Variants in KCNH8 observed in about 807,000 individuals in gnomAD.
KCNH8 encodes voltage-gated delayed rectifier potassium channel KCNH8.
In KCNH8, 70 loss-of-function variants were observed where a neutral mutation model predicts 103.6. The ratio of observed to expected loss-of-function variants is 0.68; its 90% CI spans 0.56 to 0.82. The LOEUF is 0.82. KCNH8 is among the 40% of genes least tolerant of loss of function. The pLI is 0.00. For synonymous variants in KCNH8, 498 were observed against 489.4 expected, an observed-to-expected ratio of 1.02 and a Z score of -0.23; for missense variants, 1,217 against 1,329.9, an observed-to-expected ratio of 0.92 and a Z score of 1.32.
intron 1 of KCNH8, among the ~76,000 whole-genome samples, chr3:19,150,504 C>T (rs946869690): frequency 6.6e-6 from 1 of 152,132 alleles, no homozygotes; most frequent in African/African-American, 2.4e-5. Context: ...ATCATCCCAG[C>T]ACAGCCTTGG....
intron 7 of KCNH8, among the ~76,000 whole-genome samples, chr3:19,431,829 G>A (rs749450139): frequency 1.3e-4 from 19 of 151,896 alleles, no homozygotes; most frequent in African/African-American, 4.1e-4. Flanking sequence ...TTGTTTTTTC[G>A]TGGGGTCAGT....
intron 11 of KCNH8, among the ~76,000 whole-genome samples, chr3:19,467,590 T>TGTTTGTGGG (rs2067768510): frequency 1.3e-5 from 2 of 152,126 alleles, no homozygotes; most frequent in African/African-American, 2.4e-5. Flanking sequence ...GGGAAGAATG[T>TGTTTGTGGG]GTTTGTGGGA....
intron 1 of KCNH8, among the ~76,000 whole-genome samples, chr3:19,174,741 AG>A (rs1315317461): frequency 1.3e-5 from 2 of 152,216 alleles, no homozygotes; most frequent in African/African-American, 4.8e-5. Flanking sequence ...TGTCTAGCAT[AG>A]GAGATGGATA....
chr3:19,457,778 AC>A (rs2067557092), intron 11 of KCNH8, among the ~76,000 whole-genome samples: 1 of 152,038 alleles, frequency 6.6e-6, no homozygotes, highest in South Asian at 2.1e-4. Flanking sequence ...GTTTGGACCA[AC>A]CCATATTGTG....
chr3:19,424,635 G>A (rs949701969), intron 7 of KCNH8, among the ~76,000 whole-genome samples: 3 of 151,884 alleles, frequency 2.0e-5, no homozygotes, highest in Admixed American at 2.0e-4. Flanking sequence ...CTAAAAAGGA[G>A]GAAATGATCA....
In KCNH8 at chr3:19,456,993, T is replaced by C. The variant is rs2125188919; in HGVS notation, c.2040+11T>C. On this transcript the variant is annotated intron_variant, in intron 11 of 15. Coordinates refer to ENST00000328405, the MANE Select transcript of KCNH8 (RefSeq NM_144633.3). ...GGTCATGAGAGTGATGTAAGTCCCA[T>C]TTCTAATTAGTGCTAAGACCTAATA... is the stretch of plus-strand genomic sequence containing the variant. The C allele has an allele frequency of 1.3e-6, 2 of 1,585,294 alleles. No individual in the cohort carries two copies. The highest frequency in any genetic ancestry group is 4.5e-5 in the East Asian group (2 of 44,444).
At chr3:19,515,015 A>G (rs555903819) in intron 13 of KCNH8, among the ~76,000 whole-genome samples, 17 of 151,894 alleles carry the variant, frequency 1.1e-4, no homozygotes, top group African/African-American at 4.1e-4. Flanking sequence ...ATTTTATTTG[A>G]CTGAATATGT....
intron 1 of KCNH8, among the ~76,000 whole-genome samples, chr3:19,251,980 G>T (rs941269978): frequency 1.3e-5 from 2 of 152,066 alleles, no homozygotes; most frequent in African/African-American, 4.8e-5. Flanking sequence ...TTATCCTGTA[G>T]TTTTTTCATT....
At chr3:19,181,004 A>C (rs948839823) in intron 1 of KCNH8, among the ~76,000 whole-genome samples, 4 of 152,180 alleles carry the variant, frequency 2.6e-5, no homozygotes, top group Admixed American at 2.6e-4. Context: ...GCAATTTTCA[A>C]GATGGCCTGA....
chr3:19,519,443 C>T (rs1486574222), intron 15 of KCNH8, among the ~76,000 whole-genome samples: 1 of 151,450 alleles, frequency 6.6e-6, no homozygotes, highest in Non-Finnish European at 1.5e-5. Flanking sequence ...TGTGTTTCTT[C>T]AGCTTCGTGG....
Position 19,227,421 on chromosome 3 carries a change from G to A in KCNH8, c.77-26233G>A, listed in dbSNP as rs140345706. ...GAACTTTTATTCCTCGAGGTGACCC[G>A]TTGTCTAGATTGAAGATCAACATAT... On this transcript the variant is annotated intron_variant, in intron 1 of 15. Transcript: ENST00000328405. 4.3e-4 allele frequency among the ~76,000 whole-genome samples: 66 copies of A among 152,248 alleles called. No homozygotes were observed. The East Asian group carries it at 9.3e-3, about 21-fold the overall frequency.
chr3:19,519,190 C>T (rs1045958216), intron 15 of KCNH8, among the ~76,000 whole-genome samples: 4 of 151,912 alleles, frequency 2.6e-5, no homozygotes, highest in Non-Finnish European at 5.9e-5. Context: ...AAACCTGTGC[C>T]TATCTTTGGT....
In KCNH8 at chr3:19,438,227, G is replaced by A; in HGVS notation, c.1241G>A (p.Gly414Asp). 6.2e-7 allele frequency: 1 copy of A among 1,614,010 alleles called. No homozygotes were observed. The highest frequency in any genetic ancestry group is 8.5e-7 in the Non-Finnish European group (1 of 1,180,002). Residue 414 changes from glycine to aspartate, a missense_variant, in exon 8 of 16, where the codon GGC (glycine) becomes GAC (aspartate). Around this residue, in one of 3 missense-constraint regions of KCNH8, gnomAD observed 415 missense variants for 577.4 expected, o/e 0.72. Transcript: ENST00000328405. ...TACTATGGCAACAATACCTTGGGGG[G>A]CCCGTCGATCCGAAGTGCCTATATT... ...SPYYGNNTLG[G>D]PSIRSAYIAA...
At chr3:19,326,929 A>G (rs1396884418) in intron 3 of KCNH8, among the ~76,000 whole-genome samples, 1 of 152,196 alleles carries the variant, frequency 6.6e-6, no homozygotes, top group African/African-American at 2.4e-5. Context: ...GGGACAGAAT[A>G]TTCTGAAGGA....
At chr3:19,499,188 C>T (rs1250963691) in intron 11 of KCNH8, among the ~76,000 whole-genome samples, 7 of 151,994 alleles carry the variant, frequency 4.6e-5, no homozygotes. Context: ...GAAAGGGTAT[C>T]AGCGATAGAA....
intron 1 of KCNH8, among the ~76,000 whole-genome samples, chr3:19,241,158 C>G (rs772702446): frequency 1.3e-5 from 2 of 152,130 alleles, no homozygotes; most frequent in African/African-American, 4.8e-5. Context: ...CTCTCTCCCT[C>G]TCTTCTTTTC....
chr3:19,510,755 T>C (rs1423025596), intron 12 of KCNH8, among the ~76,000 whole-genome samples: 1 of 152,218 alleles, frequency 6.6e-6, no homozygotes, highest in African/African-American at 2.4e-5. Context: ...TTGAGAGATA[T>C]TCTGGAACCA....
At chr3:19,513,655 C>T (rs1412816422) in intron 13 of KCNH8, among the ~76,000 whole-genome samples, 2 of 152,112 alleles carry the variant, frequency 1.3e-5, no homozygotes, top group Non-Finnish European at 2.9e-5. Context: ...GGAACAAACT[C>T]CATCAATGTT....
chr3:19,374,054 G>A lies in KCNH8; in HGVS notation c.812-16427G>A, dbSNP rs531099703. ...GTACGTGGTCAATTTTGGAATAGGT[G>A]TGGTGTGGTGCTCAAAAAAATGTAT... is the stretch of plus-strand genomic sequence containing the variant. On this transcript the variant is annotated intron_variant, in intron 5 of 15. Coordinates refer to ENST00000328405, the MANE Select transcript of KCNH8 (RefSeq NM_144633.3). Among the ~76,000 whole-genome samples the A allele has an allele frequency of 5.9e-5, 9 of 152,216 alleles. No homozygotes were observed. The South Asian group carries it at 1.7e-3, about 28-fold the overall frequency.
Sources: gnomAD v4.1 joint callset for allele counts (sites outside exome capture counted in the v4.1 genomes callset) on GRCh38, gnomAD v4.1.1 for gene constraint, gnomAD v4.1.1 regional missense constraint, MANE v1.5 for transcripts, NCBI Gene and HGNC (gene_info 2026-07-23, HGNC 2026-07-21) for gene names.